The following FGF16 variants were observed in gnomAD, a reference collection of about 807,000 sequenced individuals.
FGF16 encodes fibroblast growth factor 16, also known as metacarpal 4-5 fusion.
Under a neutral mutation model 8.5 loss-of-function variants are expected in FGF16, and 2 were observed. The observed-to-expected ratio is 0.24, with a 90% CI of 0.10 to 0.75. The LOEUF is 0.75. FGF16 is among the 30% of genes least tolerant of loss of function. The pLI is 0.74. For missense variants in FGF16, 79 were observed against 87.4 expected (o/e 0.90, Z 0.38); for synonymous variants, 33 against 34.6 (o/e 0.95, Z 0.16).
intron 1 of FGF16, among the ~76,000 whole-genome samples, chrX:77,453,483 C>T (rs1399318277): frequency 8.9e-6 from 1 of 112,289 alleles, no homozygotes; most frequent in Non-Finnish European, 1.9e-5. Flanking sequence ...CAACTCTTTG[C>T]TGTGGATAAA....
In FGF16 at chrX:77,453,582, C is replaced by T. The variant is rs186390924; in HGVS notation, c.275-575C>T. Reference sequence around the variant, plus strand: ...TTTTAGGAGAAAGCTCTCATGTGGCCAAGTTTTGCCTCCTGCCATAAGCAG... The same window carrying T: ...TTTTAGGAGAAAGCTCTCATGTGGCTAAGTTTTGCCTCCTGCCATAAGCAG... On this transcript the variant is annotated intron_variant, in intron 1 of 2. Coordinates refer to ENST00000439435, the MANE Select transcript of FGF16 (RefSeq NM_003868.3). Among the ~76,000 whole-genome samples, 44 of 111,675 alleles carry T rather than the reference C, an allele frequency of 3.9e-4. 2 individuals carry two copies. The East Asian group carries it at 0.011, about 29-fold the overall frequency.
intron 2 of FGF16, among the ~76,000 whole-genome samples, 175 bp downstream of exon 2, chrX:77,454,435 G>A (rs975027818): frequency 2.8e-5 from 3 of 107,142 alleles, no homozygotes; most frequent in African/African-American, 1.0e-4. Flanking sequence ...CGGATCACAA[G>A]GTGAGGAGTT....
At chrX:77,454,288 T>TA in intron 2 of FGF16, 28 bp downstream of exon 2, 1 of 809,509 alleles carries the variant, frequency 1.2e-6, no homozygotes, top group Admixed American at 4.2e-5. Context: ...TTTTTTTTTT[T>TA]TTTTTTTTTT....
chrX:77,449,334 G>A (rs1557026490), intron 1 of FGF16, among the ~76,000 whole-genome samples: 1 of 111,352 alleles, frequency 9.0e-6, no homozygotes, highest in Admixed American at 9.6e-5. Flanking sequence ...CTTGCAGCAG[G>A]TCCTCAAAAG....
rs2062573921 is a variant in FGF16, at chrX:77,456,785, G to T, written c.*263G>T. ...TACTCATGTTCCTTCCCCTGAGGTA[G>T]CATAACAAAGAATGGGAGCCCCTGC... On this transcript the variant is annotated 3_prime_UTR_variant, in exon 3 of 3. Coordinates refer to ENST00000439435, the MANE Select transcript of FGF16 (RefSeq NM_003868.3). The T allele has an allele frequency of 4.0e-6, 1 of 248,840 alleles. No homozygotes were observed. The highest frequency in any genetic ancestry group is 7.1e-6 in the Non-Finnish European group (1 of 140,015). 20.5% of individuals were successfully genotyped at this position (248,840 alleles called of 1,213,427 possible). A position where few individuals can be genotyped will look rare whatever the true frequency, so the allele number is the denominator to read the frequency against.
chrX:77,456,192 G>A (rs2062571342), intron 2 of FGF16, 85 bp from the exon 3 acceptor site: 1 of 897,047 alleles, frequency 1.1e-6, no homozygotes, highest in South Asian at 2.3e-5. Context: ...ATGTGCTATT[G>A]CTATTTCAGG....
At chrX:77,450,971 G>A (rs192590507) in intron 1 of FGF16, among the ~76,000 whole-genome samples, 63 of 111,840 alleles carry the variant, frequency 5.6e-4, no homozygotes, top group Admixed American at 3.7e-3. Flanking sequence ...TATGAAAATG[G>A]CTTATTTTCT....
In FGF16 at chrX:77,454,286, T is replaced by G. The variant is rs782534986; in HGVS notation, c.378+26T>G. On this transcript the variant is annotated intron_variant, in intron 2 of 2. Transcript: ENST00000439435. ...GTAAGTTTAAGGTTTTTTTTTTTTT[T>G]TTTTTTTTTTTTTTTTGGTCAGAGG... is the stretch of plus-strand genomic sequence containing the variant. 4.4e-4 allele frequency: 356 copies of G among 802,668 alleles called. 1 individual carries two copies. The highest frequency in any genetic ancestry group is 8.5e-4 in the Middle Eastern group (2 of 2,364). 66.1% of individuals were successfully genotyped at this position (802,668 alleles called of 1,213,427 possible).
chrX:77,454,288 T>TG (rs2062566470), intron 2 of FGF16, 28 bp downstream of exon 2: 1 of 809,489 alleles, frequency 1.2e-6, no homozygotes. Context: ...TTTTTTTTTT[T>TG]TTTTTTTTTT....
At chrX:77,449,397 T>A (rs1181992901) in intron 1 of FGF16, among the ~76,000 whole-genome samples, 2 of 110,994 alleles carry the variant, frequency 1.8e-5, no homozygotes, top group Non-Finnish European at 3.8e-5. Flanking sequence ...TCCTTTCCCT[T>A]TCATTGCTTG....
intron 1 of FGF16, among the ~76,000 whole-genome samples, chrX:77,448,414 G>T (rs985598136): frequency 1.1e-4 from 12 of 112,702 alleles, no homozygotes; most frequent in African/African-American, 3.5e-4. Flanking sequence ...CACACAAATC[G>T]CTTTTGGCCC....
intron 1 of FGF16, among the ~76,000 whole-genome samples, chrX:77,452,140 T>C (rs1185941850): frequency 1.8e-5 from 2 of 111,900 alleles, no homozygotes; most frequent in African/African-American, 6.5e-5. Flanking sequence ...GGACTTCACA[T>C]TGATTCTAAT....
intron 2 of FGF16, among the ~76,000 whole-genome samples, chrX:77,454,768 A>G (rs2062567800): frequency 1.1e-5 from 1 of 95,039 alleles, no homozygotes; most frequent in Non-Finnish European, 2.1e-5. Flanking sequence ...ACCTTCACTC[A>G]TTTGGCCCCC....
Position 77,456,552 on chromosome X carries a change from T to C in FGF16, c.*30T>C, listed in dbSNP as rs1426242555. Reference sequence around the variant, plus strand: ...CCTCTGGTGTGCCCTCTGTGACCCATGTACCCTGGGGCCACGGTTGTCTCT... The same window carrying C: ...CCTCTGGTGTGCCCTCTGTGACCCACGTACCCTGGGGCCACGGTTGTCTCT... On this transcript the variant is annotated 3_prime_UTR_variant, in exon 3 of 3. Coordinates refer to ENST00000439435, the MANE Select transcript of FGF16 (RefSeq NM_003868.3). The C allele has an allele frequency of 8.4e-7, 1 of 1,188,556 alleles. No homozygotes were observed. Among genetic ancestry groups the C allele is most frequent in the African/African-American group, 1.8e-5 (1 of 56,629 alleles).
intron 1 of FGF16, among the ~76,000 whole-genome samples, chrX:77,452,065 C>T (rs915121374): frequency 2.7e-5 from 3 of 112,049 alleles, no homozygotes; most frequent in Admixed American, 1.9e-4. Flanking sequence ...GCACTTGAGG[C>T]TCACCCTCCC....
At position 77,450,131 on chromosome X, in the gene FGF16, A is replaced by G. The variant is rs967641042; in HGVS notation, c.274+2183A>G. Among the ~76,000 whole-genome samples the G allele has an allele frequency of 6.2e-5, 7 of 112,490 alleles. No individual in the cohort carries two copies. The Admixed American group carries it at 6.6e-4, about 11-fold the overall frequency. ...GTATTCAATAAATTGAAACTTTAAC[A>G]TTCCATAAGTGCTTTAGCAGTCAAC... On this transcript the variant is annotated intron_variant, in intron 1 of 2. Transcript: ENST00000439435.
intron 1 of FGF16, among the ~76,000 whole-genome samples, chrX:77,448,686 C>T (rs937186383): frequency 6.3e-5 from 7 of 111,908 alleles, no homozygotes; most frequent in Non-Finnish European, 9.4e-5. Context: ...CAACCTCCAT[C>T]CAGGATTGTC....
Position 77,456,275 on chromosome X carries a change from A to G in FGF16, c.379-2A>G. Reference sequence around the variant, plus strand: ...TTCTGCTTTATTTTCTCACCCTCACAGAAGAAACTCACACGTGAATGTGTT... The same window carrying G: ...TTCTGCTTTATTTTCTCACCCTCACGGAAGAAACTCACACGTGAATGTGTT... On this transcript the variant is annotated splice_acceptor_variant, in intron 2 of 2. Coordinates refer to ENST00000439435, the MANE Select transcript of FGF16 (RefSeq NM_003868.3). LOFTEE classifies it high-confidence loss of function. 4 of 1,209,827 alleles carry G rather than the reference A, an allele frequency of 3.3e-6. No homozygotes were observed. Among genetic ancestry groups the G allele is most frequent in the Non-Finnish European group, 4.5e-6 (4 of 893,618 alleles).
At chrX:77,451,577 G>A (rs1269685121) in intron 1 of FGF16, among the ~76,000 whole-genome samples, 1 of 112,038 alleles carries the variant, frequency 8.9e-6, no homozygotes, top group African/African-American at 3.2e-5. Context: ...ACCATTCTCA[G>A]TGTGGTCTAA....
Sources: gnomAD v4.1 joint callset for allele counts (sites outside exome capture counted in the v4.1 genomes callset) on GRCh38, gnomAD v4.1.1 for gene constraint, MANE v1.5 for transcripts, NCBI Gene and HGNC (gene_info 2026-07-23, HGNC 2026-07-21) for gene names.